CAPN7: variants seen among roughly 807,000 people sequenced by gnomAD.
CAPN7 encodes calpain-7.
A neutral mutation model predicts 115.2 loss-of-function variants in CAPN7; 72 were observed. The ratio of observed to expected loss-of-function variants is 0.63; its 90% CI spans 0.52 to 0.76. CAPN7 has a LOEUF of 0.76. Ranked by LOEUF, CAPN7 falls within the 30% of genes least tolerant of loss-of-function variation. The pLI is 0.00. For synonymous variants in CAPN7, 344 were observed against 322.3 expected, an observed-to-expected ratio of 1.07 and a Z score of -0.72; for missense variants, 905 against 971.5, an observed-to-expected ratio of 0.93 and a Z score of 0.91.
At chr3:15,221,560 A>T (rs1016071951) in intron 5 of CAPN7, among the ~76,000 whole-genome samples, 1 of 151,988 alleles carries the variant, frequency 6.6e-6, no homozygotes, top group Non-Finnish European at 1.5e-5. Context: ...AAATCCTAGC[A>T]TTCTGTGAAA....
At chr3:15,220,569 CTTAA>C (rs1693918099) in intron 4 of CAPN7, among the ~76,000 whole-genome samples, 3 of 152,130 alleles carry the variant, frequency 2.0e-5, no homozygotes, top group Non-Finnish European at 4.4e-5. Flanking sequence ...TATGTAAGTG[CTTAA>C]TTAATGTTGT....
intron 12 of CAPN7, among the ~76,000 whole-genome samples, chr3:15,236,406 G>C (rs1338671349): frequency 6.6e-6 from 1 of 152,120 alleles, no homozygotes; most frequent in Non-Finnish European, 1.5e-5. Flanking sequence ...AAAATAAAAA[G>C]ATTATTAAAC....
intron 6 of CAPN7, among the ~76,000 whole-genome samples, chr3:15,227,302 C>T (rs1235075032): frequency 6.6e-6 from 1 of 152,104 alleles, no homozygotes; most frequent in African/African-American, 2.4e-5. Context: ...CTTGGTAAGT[C>T]ATTAATCACT....
chr3:15,242,343 A>C lies in CAPN7; in HGVS notation c.1864+90A>C, dbSNP rs547107883. The stretch of plus-strand genomic sequence containing the variant: ...TTGAAAAATGACACATTTTATGTAG[A>C]TAATATAGAGAAATAATTATGTTGA... On this transcript the variant is annotated intron_variant, in intron 16 of 20. Transcript: ENST00000253693. 14 of 774,880 alleles carry C rather than the reference A, an allele frequency of 1.8e-5. No individual in the cohort carries two copies. In the African/African-American group the frequency reaches 2.3e-4, roughly 13 times the overall value. The allele number at this position is 774,880 out of a possible 1,614,324, so 48.0% of individuals were successfully genotyped here. A position where few individuals can be genotyped will look rare whatever the true frequency, so the allele number is the denominator to read the frequency against.
intron 8 of CAPN7, among the ~76,000 whole-genome samples, chr3:15,229,337 G>T (rs1694526649): frequency 6.6e-6 from 1 of 152,032 alleles, no homozygotes; most frequent in Non-Finnish European, 1.5e-5. Context: ...TTTATGATTG[G>T]ACTGTTAAGT....
At chr3:15,226,872 T>C (rs971321510) in intron 6 of CAPN7, among the ~76,000 whole-genome samples, 1 of 152,022 alleles carries the variant, frequency 6.6e-6, no homozygotes, top group African/African-American at 2.4e-5. Context: ...AAAAAAGTTA[T>C]GTTTGTGCCA....
chr3:15,220,768 C>T lies in CAPN7; in HGVS notation c.438-13C>T, dbSNP rs1693931133. The stretch of plus-strand genomic sequence containing the variant: ...GAAAAACTAGAACAGTTGTTTGTTC[C>T]TCTCTGTTATAGAGCAGAAGCGCTG... On this transcript the variant is annotated splice_polypyrimidine_tract_variant and intron_variant, in intron 4 of 20. Transcript: ENST00000253693. The T allele has an allele frequency of 1.2e-6, 2 of 1,611,564 alleles. No homozygotes were observed. The highest frequency in any genetic ancestry group is 1.7e-6 in the Non-Finnish European group (2 of 1,178,032).
chr3:15,236,032 A>G (rs1263178510), intron 12 of CAPN7, among the ~76,000 whole-genome samples: 2 of 152,180 alleles, frequency 1.3e-5, no homozygotes, highest in African/African-American at 4.8e-5. Context: ...TTAGCTGGGC[A>G]TGGTGCCATA....
rs754815051 is a variant in CAPN7, at chr3:15,251,030, T to C, written c.2297+7T>C. The C allele has an allele frequency of 4.4e-6, 7 of 1,607,836 alleles. No homozygotes were observed. The highest frequency in any genetic ancestry group is 3.3e-4 in the Middle Eastern group (2 of 6,036). Reference sequence around the variant, plus strand: ...AATCTAGTGGTGACTATAGGTAATGTTGGCATTTTTATTGTATCTATTTTA... The same window carrying C: ...AATCTAGTGGTGACTATAGGTAATGCTGGCATTTTTATTGTATCTATTTTA... On this transcript the variant is annotated splice_region_variant and intron_variant, in intron 20 of 20. Transcript: ENST00000253693.
chr3:15,214,026 G>A (rs1158819070), intron 2 of CAPN7, among the ~76,000 whole-genome samples: 1 of 151,926 alleles, frequency 6.6e-6, no homozygotes, highest in East Asian at 1.9e-4. Flanking sequence ...GACTACAGGC[G>A]CCTGCCACCA....
Position 15,251,638 on chromosome 3 carries a change from T to G in CAPN7, c.*378T>G, listed in dbSNP as rs769026401. Reference sequence around the variant, plus strand: ...GATATAGATTCCTTGAGTGGAATAGTGGGCTAGATTAATATACCGAAATAT... The same window carrying G: ...GATATAGATTCCTTGAGTGGAATAGGGGGCTAGATTAATATACCGAAATAT... On this transcript the variant is annotated 3_prime_UTR_variant, in exon 21 of 21. Transcript: ENST00000253693. The G allele has an allele frequency of 5.7e-5, 9 of 159,080 alleles. No homozygotes were observed. The allele number at this position is 159,080 out of a possible 1,614,324, so 9.9% of individuals were successfully genotyped here. A position where few individuals can be genotyped will look rare whatever the true frequency, so the allele number is the denominator to read the frequency against.
Position 15,217,421 on chromosome 3 carries a change from C to A in CAPN7, c.212-4C>A. 6.2e-7 allele frequency: 1 copy of A among 1,601,282 alleles called. No individual in the cohort carries two copies. On this transcript the variant is annotated splice_polypyrimidine_tract_variant and splice_region_variant and intron_variant, in intron 2 of 20. Coordinates refer to ENST00000253693, the MANE Select transcript of CAPN7 (RefSeq NM_014296.3). ...CCTTCTGCGTATTTTTTTTTCTATC[C>A]TAGTTCAGTCAAAGAGTGCTGATCC...
rs2044737492 is a variant in CAPN7, at chr3:15,208,203, G to A, written c.102+1606G>A. Among the ~76,000 whole-genome samples, 3 of 144,110 alleles carry A rather than the reference G, an allele frequency of 2.1e-5. 1 individual carries two copies. The South Asian group carries it at 6.6e-4, about 32-fold the overall frequency. 94.5% of individuals were successfully genotyped at this position (144,110 alleles called of 152,430 possible). A position where few individuals can be genotyped will look rare whatever the true frequency, so the allele number is the denominator to read the frequency against. ...TTTTTGTGTTTTTTTATGCGTATGT[G>A]TATATGCTTTTTTTTTTTTTTTACA... is the stretch of plus-strand genomic sequence containing the variant. On this transcript the variant is annotated intron_variant, in intron 1 of 20. Coordinates refer to ENST00000253693, the MANE Select transcript of CAPN7 (RefSeq NM_014296.3).
chr3:15,243,562 G>A (rs954191345), intron 16 of CAPN7, among the ~76,000 whole-genome samples: 2 of 152,064 alleles, frequency 1.3e-5, no homozygotes, highest in African/African-American at 4.8e-5. Context: ...TTCAGCAGAG[G>A]AAAAAGGTAC....
Position 15,206,678 on chromosome 3 carries a change from G to A in CAPN7, c.102+81G>A, listed in dbSNP as rs2044643781. 3 of 1,036,348 alleles carry A rather than the reference G, an allele frequency of 2.9e-6. No individual in the cohort carries two copies. The South Asian group carries it at 4.6e-5, about 16-fold the overall frequency. 64.2% of individuals were successfully genotyped at this position (1,036,348 alleles called of 1,614,324 possible). A position where few individuals can be genotyped will look rare whatever the true frequency, so the allele number is the denominator to read the frequency against. ...CCTGCGGCCGAGGGGCGGGATCCGG[G>A]TGCGGAGGCTAGCGGCCCCGGCTTT... On this transcript the variant is annotated intron_variant, in intron 1 of 20. Transcript: ENST00000253693.
intron 5 of CAPN7, among the ~76,000 whole-genome samples, chr3:15,222,212 TA>T (rs1199196276): frequency 1.3e-5 from 2 of 152,008 alleles, no homozygotes; most frequent in Non-Finnish European, 1.5e-5. Context: ...CAGAGGATAT[TA>T]AAAATGTAAA....
In CAPN7 at chr3:15,233,988, T is replaced by C; in HGVS notation, c.1286+15T>C. On this transcript the variant is annotated intron_variant, in intron 11 of 20. Transcript: ENST00000253693. Reference sequence around the variant, plus strand: ...CTTTATCAAAGGTAAACATTTTTCTTTGTTTTATGTGTGTGGTAAATGTGG... The same window carrying C: ...CTTTATCAAAGGTAAACATTTTTCTCTGTTTTATGTGTGTGGTAAATGTGG... The C allele has an allele frequency of 7.3e-7, 1 of 1,366,528 alleles. No individual in the cohort carries two copies. The highest frequency in any genetic ancestry group is 1.0e-6 in the Non-Finnish European group (1 of 958,424). The allele number at this position is 1,366,528 out of a possible 1,614,324, so 84.7% of individuals were successfully genotyped here.
At chr3:15,219,584 A>G (rs1447784214) in intron 4 of CAPN7, among the ~76,000 whole-genome samples, 2 of 152,200 alleles carry the variant, frequency 1.3e-5, no homozygotes, top group African/African-American at 4.8e-5. Flanking sequence ...AATATTCTCA[A>G]GTGCACCCTA....
intron 19 of CAPN7, among the ~76,000 whole-genome samples, chr3:15,247,936 A>G (rs895496026): frequency 3.3e-5 from 5 of 152,146 alleles, no homozygotes; most frequent in Admixed American, 6.5e-5. Flanking sequence ...CAAAAAACCA[A>G]ACACCACATA....
Sources: allele counts gnomAD v4.1 joint callset (sites outside exome capture counted in the v4.1 genomes callset), GRCh38; gene constraint gnomAD v4.1.1; transcripts MANE v1.5; gene names NCBI Gene and HGNC (gene_info 2026-07-23, HGNC 2026-07-21).